Variants in DIS3L2 observed in about 807,000 individuals in gnomAD.
The protein encoded by DIS3L2 is DIS3 like 3'-5' exoribonuclease 2, also known as DIS3-like exonuclease 2.
In DIS3L2, 34 loss-of-function variants were observed where a neutral mutation model predicts 97.5. The observed-to-expected ratio is 0.35, with a 90% CI of 0.27 to 0.46. DIS3L2 has a LOEUF of 0.46. Ranked by LOEUF, DIS3L2 falls within the 20% of genes least tolerant of loss-of-function variation. The pLI is 1.00. For synonymous variants in DIS3L2, 435 were observed against 445.2 expected (o/e 0.98, Z 0.29); for missense variants, 1,038 against 1,146.0 (o/e 0.91, Z 1.36).
chr2:232,086,615 A>ATATATATATATATACACATATATATATG (rs1425146539), intron 5 of DIS3L2, among the ~76,000 whole-genome samples: 1,681 of 54,430 alleles, frequency 0.031, 178 homozygotes, highest in African/African-American at 0.094. Context: ...GTGTGTGTGT[A>ATATATATATATATACACATATATATATG]TATATATATA....
At chr2:232,031,083 C>T (rs1211650914) in intron 5 of DIS3L2, among the ~76,000 whole-genome samples, 1 of 152,092 alleles carries the variant, frequency 6.6e-6, no homozygotes, top group Admixed American at 6.5e-5. Context: ...AATGTCTCAT[C>T]TGTAAAATGG....
intron 14 of DIS3L2, among the ~76,000 whole-genome samples, chr2:232,305,951 T>C (rs1448943655): frequency 6.7e-6 from 1 of 149,066 alleles, no homozygotes; most frequent in African/African-American, 2.5e-5. Context: ...CAAGACCCCA[T>C]CTCAGAAAAA....
At chr2:231,971,665 C>T (rs1692916430) in intron 1 of DIS3L2, among the ~76,000 whole-genome samples, 2 of 151,970 alleles carry the variant, frequency 1.3e-5, no homozygotes, top group South Asian at 4.1e-4. Context: ...CCAGGATGGT[C>T]TCGATCTCCT....
chr2:232,312,799 C>T (rs993650907), intron 14 of DIS3L2, among the ~76,000 whole-genome samples: 15 of 152,260 alleles, frequency 9.9e-5, no homozygotes, highest in African/African-American at 3.6e-4. Flanking sequence ...AGATCTTGCT[C>T]ATGTTTCATT....
At chr2:232,148,595 T>C (rs1160930352) in intron 8 of DIS3L2, among the ~76,000 whole-genome samples, 1 of 152,154 alleles carries the variant, frequency 6.6e-6, no homozygotes, top group Non-Finnish European at 1.5e-5. Flanking sequence ...AAACCATAAC[T>C]AAAATATAAT....
At chr2:232,027,005 C>T (rs1694677622) in intron 4 of DIS3L2, among the ~76,000 whole-genome samples, 1 of 152,110 alleles carries the variant, frequency 6.6e-6, no homozygotes, top group Admixed American at 6.6e-5. Flanking sequence ...ATCATAAGAG[C>T]TACCAATCAA....
intron 14 of DIS3L2, among the ~76,000 whole-genome samples, chr2:232,320,589 C>A (rs1248922141): frequency 6.6e-6 from 1 of 152,164 alleles, no homozygotes; most frequent in South Asian, 2.1e-4. Context: ...AGTTCATACA[C>A]CTCTGGTTCA....
chr2:232,127,474 A>G (rs1033060391), intron 6 of DIS3L2, among the ~76,000 whole-genome samples: 2 of 152,144 alleles, frequency 1.3e-5, no homozygotes, highest in African/African-American at 4.8e-5. Flanking sequence ...TCCATCTCCA[A>G]TGCCTGCATC....
intron 12 of DIS3L2, among the ~76,000 whole-genome samples, chr2:232,249,701 A>G (rs141032517): frequency 6.6e-6 from 1 of 152,324 alleles, no homozygotes; most frequent in Non-Finnish European, 1.5e-5. Context: ...CAGTTAGGAG[A>G]GCAGAGCCTG....
intron 6 of DIS3L2, among the ~76,000 whole-genome samples, chr2:232,093,203 G>GT (rs1559621175): frequency 6.6e-6 from 1 of 152,014 alleles, no homozygotes; most frequent in Non-Finnish European, 1.5e-5. Context: ...ATTGGTTTGC[G>GT]TATGTTGAGC....
chr2:232,169,497 A>G (rs1690922429), intron 9 of DIS3L2, among the ~76,000 whole-genome samples: 1 of 152,192 alleles, frequency 6.6e-6, no homozygotes, highest in South Asian at 2.1e-4. Flanking sequence ...GTATGAACAG[A>G]CTGCCAGGGT....
At chr2:231,995,247 A>G (rs1277357382) in intron 1 of DIS3L2, among the ~76,000 whole-genome samples, 3 of 152,054 alleles carry the variant, frequency 2.0e-5, no homozygotes, top group African/African-American at 4.8e-5. Context: ...TTTTGACTGT[A>G]GGCATATTCT....
intron 8 of DIS3L2, among the ~76,000 whole-genome samples, chr2:232,145,325 A>G (rs149466597): frequency 5.4e-4 from 82 of 152,286 alleles, no homozygotes; most frequent in African/African-American, 1.8e-3. Context: ...TGCTGCCAGC[A>G]TGTAGAATTA....
At chr2:232,250,135 T>G (rs1200979958) in intron 12 of DIS3L2, among the ~76,000 whole-genome samples, 1 of 152,156 alleles carries the variant, frequency 6.6e-6, no homozygotes, top group African/African-American at 2.4e-5. Context: ...TAAGCCCTGG[T>G]GCCTTCTCAG....
chr2:231,964,393 G>A (rs1692652860), intron 1 of DIS3L2, among the ~76,000 whole-genome samples: 1 of 152,092 alleles, frequency 6.6e-6, no homozygotes, highest in Non-Finnish European at 1.5e-5. Context: ...TAGGTTTGAG[G>A]TTTGAGAAAT....
intron 1 of DIS3L2, among the ~76,000 whole-genome samples, chr2:232,010,564 C>T (rs1428815499): frequency 6.6e-6 from 1 of 150,918 alleles, no homozygotes; most frequent in Non-Finnish European, 1.5e-5. Flanking sequence ...GCTTGTTTTT[C>T]CCATCTTTTG....
At chr2:232,071,666 G>T (rs887381160) in intron 5 of DIS3L2, among the ~76,000 whole-genome samples, 2 of 152,200 alleles carry the variant, frequency 1.3e-5, no homozygotes, top group Non-Finnish European at 2.9e-5. Flanking sequence ...AGTGGACATT[G>T]AGAAAGTCAA....
Position 232,268,680 on chromosome 2 carries a change from A to T in DIS3L2, c.1659+5240A>T, listed in dbSNP as rs1291151696. Among the ~76,000 whole-genome samples, 1 of 152,166 alleles carries T rather than the reference A, an allele frequency of 6.6e-6. No individual in the cohort carries two copies. Among genetic ancestry groups the T allele is most frequent in the Non-Finnish European group, 1.5e-5 (1 of 68,046 alleles). On this transcript the variant is annotated intron_variant, in intron 13 of 20. Transcript: ENST00000325385. The surrounding 1 kb of genome is among the most constrained non-coding windows in gnomAD (Gnocchi z 4.1). ...ATTTTTCAGCCATTTAAAAATGCAT[A>T]AACCAGTCTTAGCTCATGGGTCATA... is the stretch of plus-strand genomic sequence containing the variant.
intron 13 of DIS3L2, among the ~76,000 whole-genome samples, chr2:232,298,018 C>A (rs560251687): frequency 5.3e-5 from 8 of 152,154 alleles, no homozygotes; most frequent in African/African-American, 1.9e-4. Flanking sequence ...TCTAGGAAGT[C>A]TTTGTCCTTT....
Sources: gnomAD v4.1 joint callset for allele counts (sites outside exome capture counted in the v4.1 genomes callset) on GRCh38, gnomAD v4.1.1 for gene constraint, Gnocchi (gnomAD v3.1) non-coding constraint, MANE v1.5 for transcripts, NCBI Gene and HGNC (gene_info 2026-07-23, HGNC 2026-07-21) for gene names.